CABP7: variants seen among roughly 807,000 people sequenced by gnomAD.
CABP7 encodes calcium-binding protein 7.
A neutral mutation model predicts 23.1 loss-of-function variants in CABP7; 13 were observed. The observed-to-expected ratio is 0.56, with a 90% CI of 0.37 to 0.90. The LOEUF is 0.90. Ranked by LOEUF, CABP7 falls within the 40% of genes least tolerant of loss-of-function variation. The pLI is 0.01. For missense variants in CABP7, 248 were observed against 295.6 expected (o/e 0.84, Z 1.18); for synonymous variants, 123 against 115.3 (o/e 1.07, Z -0.43).
At chr22:29,724,006 T>G (rs560005814) in intron 1 of CABP7, among the ~76,000 whole-genome samples, 41 of 152,314 alleles carry the variant, frequency 2.7e-4, no homozygotes, top group Non-Finnish European at 5.1e-4. Context: ...CTGGTGGCCC[T>G]GCCAGCCCAT....
At chr22:29,726,332 C>T (rs899485310) in intron 1 of CABP7, among the ~76,000 whole-genome samples, 1 of 152,210 alleles carries the variant, frequency 6.6e-6, no homozygotes, top group South Asian at 2.1e-4. Context: ...ATGTGGCCAT[C>T]CTCTCCGGGC....
intron 1 of CABP7, among the ~76,000 whole-genome samples, chr22:29,725,842 G>A (rs1465191910): frequency 6.6e-6 from 1 of 152,216 alleles, no homozygotes; most frequent in Non-Finnish European, 1.5e-5. Context: ...ACATGTGGCC[G>A]GGCGAGGAGG....
At chr22:29,723,522 CTTA>C (rs1423808397) in intron 1 of CABP7, among the ~76,000 whole-genome samples, 1 of 152,252 alleles carries the variant, frequency 6.6e-6, no homozygotes, top group Non-Finnish European at 1.5e-5. Flanking sequence ...GGCTGCAAGT[CTTA>C]GCCCTTTCTG....
At position 29,727,601 on chromosome 22, in the gene CABP7, C is replaced by T; in HGVS notation, c.110-61C>T. The T allele has an allele frequency of 6.2e-7, 1 of 1,604,074 alleles. No individual in the cohort carries two copies. Among genetic ancestry groups the T allele is most frequent in the Non-Finnish European group, 8.5e-7 (1 of 1,173,492 alleles). ...CTGCAGGGTCGGTGATCCTGGGGGTCTGGAAAGGGGGTCTGTTGGGGACCG... is the reference window on the plus strand; with the variant it reads ...CTGCAGGGTCGGTGATCCTGGGGGTTTGGAAAGGGGGTCTGTTGGGGACCG... On this transcript the variant is annotated intron_variant, in intron 1 of 4. Coordinates refer to ENST00000216144, the MANE Select transcript of CABP7 (RefSeq NM_182527.3). The surrounding 1 kb of genome is among the most constrained non-coding windows in gnomAD (Gnocchi z 4.2).
In CABP7 at chr22:29,720,543, C is replaced by A; in HGVS notation, c.109+10C>A. 1.3e-6 allele frequency: 2 copies of A among 1,513,036 alleles called. No homozygotes were observed. The highest frequency in any genetic ancestry group is 1.2e-5 in the South Asian group (1 of 83,466). 93.7% of individuals were successfully genotyped at this position (1,513,036 alleles called of 1,614,324 possible). ...GAGGACGAGCTGGAGGGTGAGTGTC[C>A]GCCGGGATCCCCGCCCCGGCGGCCC... On this transcript the variant is annotated intron_variant, in intron 1 of 4. Transcript: ENST00000216144. The surrounding 1 kb of genome is among the most constrained non-coding windows in gnomAD (Gnocchi z 5.2).
chr22:29,728,703 G>A lies in CABP7; in HGVS notation c.327G>A (p.Glu109=). The change falls in exon 3 of 5, where the codon GAG becomes GAA. Residue 109 remains glutamate, a synonymous_variant. Coordinates refer to ENST00000216144, the MANE Select transcript of CABP7 (RefSeq NM_182527.3). Reference sequence around the variant, plus strand: ...AACTCTCCACCTCAGGGATCCCAGAGAAGTTCCATGGCACCGACTTTGATA... The same window carrying A: ...AACTCTCCACCTCAGGGATCCCAGAAAAGTTCCATGGCACCGACTTTGATA... ...GPKLSTSGIP[E]KFHGTDFDTV... is the part of the protein sequence containing the mutation. 6.2e-7 allele frequency: 1 copy of A among 1,613,756 alleles called. No homozygotes were observed. Among genetic ancestry groups the A allele is most frequent in the East Asian group, 2.2e-5 (1 of 44,888 alleles).
intron 1 of CABP7, among the ~76,000 whole-genome samples, chr22:29,724,324 C>T (rs1002276016): frequency 1.3e-5 from 2 of 152,202 alleles, no homozygotes; most frequent in Non-Finnish European, 1.5e-5. Flanking sequence ...CTGGTCCCAG[C>T]GACCGCCAAC....
intron 2 of CABP7, among the ~76,000 whole-genome samples, chr22:29,728,093 T>C (rs2067809504): frequency 6.6e-6 from 1 of 152,198 alleles, no homozygotes; most frequent in African/African-American, 2.4e-5. Context: ...AAGGATGCAA[T>C]AAATACTCCA....
At position 29,731,021 on chromosome 22, in the gene CABP7, G is replaced by T; in HGVS notation, c.*1452G>T. 2.2e-6 allele frequency: 1 copy of T among 458,870 alleles called. No individual in the cohort carries two copies. Among genetic ancestry groups the T allele is most frequent in the Non-Finnish European group, 3.8e-6 (1 of 264,984 alleles). 28.4% of individuals were successfully genotyped at this position (458,870 alleles called of 1,614,324 possible). On this transcript the variant is annotated 3_prime_UTR_variant, in exon 5 of 5. Coordinates refer to ENST00000216144, the MANE Select transcript of CABP7 (RefSeq NM_182527.3). ...TCCCCCATCTTCTTAAGAAGCAGGG[G>T]GGCAGGTGGAGGAGAGTGAGGGGAG...
Position 29,729,840 on chromosome 22 carries a change from A to C in CABP7, c.*271A>C. On this transcript the variant is annotated 3_prime_UTR_variant, in exon 5 of 5. Coordinates refer to ENST00000216144, the MANE Select transcript of CABP7 (RefSeq NM_182527.3). ...GTAAGGAGCACTCACTCTTCCTACC[A>C]TCCAGGGGCTCCTGGGAAATTAAGG... 19 of 459,798 alleles carry C rather than the reference A, an allele frequency of 4.1e-5. No individual in the cohort carries two copies. The highest frequency in any genetic ancestry group is 3.8e-5 in the East Asian group (1 of 26,180). The allele number at this position is 459,798 out of a possible 1,614,324, so 28.5% of individuals were successfully genotyped here.
At chr22:29,721,680 G>T (rs1305590589) in intron 1 of CABP7, among the ~76,000 whole-genome samples, 1 of 152,126 alleles carries the variant, frequency 6.6e-6, no homozygotes, top group African/African-American at 2.4e-5. Context: ...CCAGGGTGAG[G>T]GCAGATCTTA....
intron 1 of CABP7, among the ~76,000 whole-genome samples, chr22:29,721,894 A>G (rs1303784154): frequency 1.3e-5 from 2 of 152,002 alleles, no homozygotes; most frequent in African/African-American, 4.8e-5. Context: ...TGACCTCACC[A>G]TTCACCCCTA....
chr22:29,720,409 G>C lies in CABP7; in HGVS notation c.-16G>C. 2.0e-6 allele frequency: 3 copies of C among 1,473,518 alleles called. No homozygotes were observed. Among genetic ancestry groups the C allele is most frequent in the Non-Finnish European group, 2.7e-6 (3 of 1,108,028 alleles). 91.3% of individuals were successfully genotyped at this position (1,473,518 alleles called of 1,614,324 possible). On this transcript the variant is annotated 5_prime_UTR_variant, in exon 1 of 5. Coordinates refer to ENST00000216144, the MANE Select transcript of CABP7 (RefSeq NM_182527.3). This position sits in a 1 kb window ranked among gnomAD's most constrained non-coding sequence, Gnocchi z 5.2. The stretch of plus-strand genomic sequence containing the variant: ...CTCAAAGTTTGCGGCGGGCGGGCGG[G>C]CGCGGAGCCTCCAAGATGCCGTTCC...
chr22:29,729,420 T>C (rs748222211), intron 4 of CABP7, 22 bp from the exon 5 acceptor site: 1 of 1,607,356 alleles, frequency 6.2e-7, no homozygotes, highest in Admixed American at 1.7e-5. Context: ...GTCTCCCCGG[T>C]GCTCCCGGCG....
intron 1 of CABP7, among the ~76,000 whole-genome samples, chr22:29,726,723 G>A (rs1057145206): frequency 3.9e-5 from 6 of 152,198 alleles, no homozygotes; most frequent in East Asian, 3.8e-4. Context: ...CCCGGGAGCC[G>A]GAGAGAGCAT....
At chr22:29,729,303 C>A in intron 4 of CABP7, 95 bp downstream of exon 4, 1 of 1,575,082 alleles carries the variant, frequency 6.3e-7, no homozygotes, top group Middle Eastern at 1.7e-4. Flanking sequence ...GGGCTGGGGG[C>A]CTCCTTGCCT....
chr22:29,724,205 G>A (rs917141633), intron 1 of CABP7, among the ~76,000 whole-genome samples: 10 of 152,220 alleles, frequency 6.6e-5, no homozygotes, highest in African/African-American at 1.9e-4. Flanking sequence ...TGATGGTGCC[G>A]GAGTCGCTCC....
chr22:29,720,641 C>A lies in CABP7; in HGVS notation c.109+108C>A. The A allele has an allele frequency of 1.7e-6, 1 of 591,740 alleles. No individual in the cohort carries two copies. 36.7% of individuals were successfully genotyped at this position (591,740 alleles called of 1,614,324 possible). ...GGGGGCGGGGGGCGGTCCGCAGGTG[C>A]CGGTTGCCAGGTGGGCGCCCCAGCT... is the stretch of plus-strand genomic sequence containing the variant. On this transcript the variant is annotated intron_variant, in intron 1 of 4. Transcript: ENST00000216144. The surrounding 1 kb of genome is among the most constrained non-coding windows in gnomAD (Gnocchi z 5.2).
chr22:29,722,797 C>G (rs1414228652), intron 1 of CABP7, among the ~76,000 whole-genome samples: 1 of 152,254 alleles, frequency 6.6e-6, no homozygotes, highest in Admixed American at 6.5e-5. Context: ...GCGGAGGAGC[C>G]ACATGTGCCA....
Sources: allele counts gnomAD v4.1 joint callset (sites outside exome capture counted in the v4.1 genomes callset), GRCh38; gene constraint gnomAD v4.1.1; non-coding constraint Gnocchi (gnomAD v3.1); transcripts MANE v1.5; gene names NCBI Gene and HGNC (gene_info 2026-07-23, HGNC 2026-07-21).